CKAP2: variants seen among roughly 807,000 people sequenced by gnomAD.
CKAP2 encodes cytoskeleton associated protein 2, also known as cytoskeleton-associated protein 2.
In CKAP2, 46 loss-of-function variants were observed where a neutral mutation model predicts 58.4. That is an observed-to-expected ratio of 0.79 (90% CI 0.62 to 1.01). The LOEUF (loss-of-function observed/expected upper bound fraction) is 1.01, where lower values mean the gene tolerates loss of function less well. Among genes scored for constraint, CKAP2 ranks in the 50% least tolerant of loss-of-function variants. The pLI is 0.00. For synonymous variants in CKAP2, 293 were observed against 280.9 expected, an observed-to-expected ratio of 1.04 and a Z score of -0.43; for missense variants, 809 against 796.4, an observed-to-expected ratio of 1.02 and a Z score of -0.19.
chr13:52,475,084 T>G lies in CKAP2; in HGVS notation c.1992T>G (p.Phe664Leu), dbSNP rs758036861. 6.2e-7 allele frequency: 1 copy of G among 1,614,244 alleles called. No homozygotes were observed. The highest frequency in any genetic ancestry group is 8.5e-7 in the Non-Finnish European group (1 of 1,180,040). Residue 664 changes from phenylalanine to leucine, a missense_variant, in exon 9 of 9, where the codon TTT (phenylalanine) becomes TTG (leucine). By Grantham distance (22) the Phe-to-Leu change is conservative (BLOSUM62 0). This residue lies in a region of CKAP2 where 283 missense variants were observed against 287.6 expected (regional missense o/e 0.98). Coordinates refer to ENST00000258607, the MANE Select transcript of CKAP2 (RefSeq NM_018204.5). ...AGTTGGGAAGAGAAACTGATGCTTT[T>G]GTATGCCGCCCTAATGCAGCACTGT... ...LTELGRETDA[F>L]VCRPNAALCR...
intron 7 of CKAP2, among the ~76,000 whole-genome samples, chr13:52,470,002 A>C (rs1245301773): frequency 6.6e-5 from 10 of 152,184 alleles, no homozygotes; most frequent in Admixed American, 6.5e-4. Flanking sequence ...CTGTAACTGT[A>C]TATTATACAG....
chr13:52,465,952 T>TATACACATATAC (rs1958666600), intron 6 of CKAP2: 1 of 288,990 alleles, frequency 3.5e-6, no homozygotes, highest in African/African-American at 2.3e-5. Context: ...TACACATATA[T>TATACACATATAC]ATGCACACAT....
In CKAP2 at chr13:52,461,900, G is replaced by C. The variant is rs1377118483; in HGVS notation, c.1074G>C (p.Gln358His). 6.2e-7 allele frequency: 1 copy of C among 1,602,502 alleles called. No individual in the cohort carries two copies. Among genetic ancestry groups the C allele is most frequent in the South Asian group, 1.1e-5 (1 of 87,870 alleles). Reference protein sequence around the residue: ...GKAIVDSRSAQPKETSEERKA... With the variant: ...GKAIVDSRSAHPKETSEERKA... ...CAATTGTTGATAGTAGATCAGCTCA[G>C]CCCAAAGAAACCTCGGAAGAGAGAA... Residue 358 changes from glutamine to histidine, a missense_variant, in exon 4 of 9, where the codon CAG (glutamine) becomes CAC (histidine). Coordinates refer to ENST00000258607, the MANE Select transcript of CKAP2 (RefSeq NM_018204.5).
At chr13:52,460,367 T>C (rs1002163980) in intron 2 of CKAP2, among the ~76,000 whole-genome samples, 6 of 152,166 alleles carry the variant, frequency 3.9e-5, no homozygotes, top group African/African-American at 1.4e-4. Context: ...TGAAATAAGA[T>C]TATTAAGTAT....
At position 52,474,744 on chromosome 13, in the gene CKAP2, T is replaced by G. The variant is rs542874352; in HGVS notation, c.1803-151T>G. 594 of 699,698 alleles carry G rather than the reference T, an allele frequency of 8.5e-4. 1 individual carries two copies. The highest frequency in any genetic ancestry group is 1.2e-3 in the Non-Finnish European group (533 of 434,852). The allele number at this position is 699,698 out of a possible 1,614,324, so 43.3% of individuals were successfully genotyped here. A position where few individuals can be genotyped will look rare whatever the true frequency, so the allele number is the denominator to read the frequency against. Reference sequence around the variant, plus strand: ...ATTGAGAAAAGGATAAGTTTCTCACTTCGGTGAGCTTATAGTACCTCTCTA... The same window carrying G: ...ATTGAGAAAAGGATAAGTTTCTCACGTCGGTGAGCTTATAGTACCTCTCTA... On this transcript the variant is annotated intron_variant, in intron 8 of 8. Transcript: ENST00000258607.
intron 2 of CKAP2, among the ~76,000 whole-genome samples, chr13:52,459,180 A>G (rs1450626904): frequency 2.0e-5 from 3 of 152,082 alleles, no homozygotes; most frequent in Non-Finnish European, 2.9e-5. Flanking sequence ...TTCCTTCACC[A>G]TTGTTCAAAA....
chr13:52,462,799 A>G (rs925661280), intron 5 of CKAP2, among the ~76,000 whole-genome samples: 3 of 152,238 alleles, frequency 2.0e-5, no homozygotes, highest in Admixed American at 6.5e-5. Context: ...CATTGAGTTC[A>G]TATAAATATA....
chr13:52,462,379 T>G lies in CKAP2; in HGVS notation c.1117T>G (p.Trp373Gly). 1.2e-6 allele frequency: 2 copies of G among 1,614,030 alleles called. No homozygotes were observed. The highest frequency in any genetic ancestry group is 1.7e-6 in the Non-Finnish European group (2 of 1,179,992). Reference protein sequence around the residue: ...SEERKARLSEWKAGKGRVLKR... With the variant: ...SEERKARLSEGKAGKGRVLKR... ...TAACTATAGAGCTCGTCTGAGTGAG[T>G]GGAAAGCTGGCAAAGGAAGAGTGCT... is the stretch of plus-strand genomic sequence containing the variant. The change falls in exon 5 of 9, where the codon TGG becomes GGG. Residue 373 changes from tryptophan (W) to glycine (G), a missense_variant. Physicochemically the swap from Trp to Gly is radical, Grantham distance 184 (BLOSUM62 -2). Coordinates refer to ENST00000258607, the MANE Select transcript of CKAP2 (RefSeq NM_018204.5).
At position 52,475,001 on chromosome 13, in the gene CKAP2, T is replaced by C; in HGVS notation, c.1909T>C (p.Leu637=). 1 of 1,614,190 alleles carries C rather than the reference T, an allele frequency of 6.2e-7. No individual in the cohort carries two copies. The highest frequency in any genetic ancestry group is 8.5e-7 in the Non-Finnish European group (1 of 1,180,022). The change falls in exon 9 of 9, where the codon TTG becomes CTG. Residue 637 remains leucine (L), a synonymous_variant. Coordinates refer to ENST00000258607, the MANE Select transcript of CKAP2 (RefSeq NM_018204.5). ...SRRLQEKTSK[L]PDMLKDHYPC... ...ACGTCTTCAAGAGAAAACTTCTAAATTGCCAGATATGTTAAAAGATCATTA... is the reference window on the plus strand; with the variant it reads ...ACGTCTTCAAGAGAAAACTTCTAAACTGCCAGATATGTTAAAAGATCATTA...
At chr13:52,471,051 G>T (rs1446448085) in intron 7 of CKAP2, among the ~76,000 whole-genome samples, 1 of 152,072 alleles carries the variant, frequency 6.6e-6, no homozygotes, top group South Asian at 2.1e-4. Context: ...CCAGCTACTC[G>T]GGGGGCTGAG....
intron 6 of CKAP2, chr13:52,465,980 C>CACACATATATGCACACATATATAT (rs1958669623): frequency 4.0e-6 from 1 of 252,012 alleles, no homozygotes; most frequent in Non-Finnish European, 7.8e-6. Flanking sequence ...CACATATATG[C>CACACATATATGCACACATATATAT]ACACATATAT....
At position 52,475,838 on chromosome 13, in the gene CKAP2, A is replaced by C. The variant is rs1006306251; in HGVS notation, c.*697A>C. 3.3e-5 allele frequency: 5 copies of C among 152,222 alleles called. No individual in the cohort carries two copies. The highest frequency in any genetic ancestry group is 1.2e-4 in the African/African-American group (5 of 41,462). The allele number at this position is 152,222 out of a possible 1,614,324, so 9.4% of individuals were successfully genotyped here. ...TAATTAAATACCGCATTTCTAAGAG[A>C]AGATACTTTGTGTAAGAAAAGATGC... On this transcript the variant is annotated 3_prime_UTR_variant, in exon 9 of 9. Coordinates refer to ENST00000258607, the MANE Select transcript of CKAP2 (RefSeq NM_018204.5).
Position 52,461,536 on chromosome 13 carries a change from C to T in CKAP2, c.710C>T (p.Ala237Val), listed in dbSNP as rs563060879. 4 of 1,614,164 alleles carry T rather than the reference C, an allele frequency of 2.5e-6. No individual in the cohort carries two copies. The South Asian group carries it at 4.4e-5, about 18-fold the overall frequency. The change falls in exon 4 of 9, where the codon GCC becomes GTC. Residue 237 changes from alanine (A) to valine (V), a missense_variant. Physicochemically the swap from Ala to Val is moderately conservative, Grantham distance 64. Around this residue, in one of 3 missense-constraint regions of CKAP2, gnomAD observed 523 missense variants for 492.4 expected, o/e 1.06. Transcript: ENST00000258607. ...AGTAATAGATCCTCCAATATGACTGCCACTACTAAATTTGTGAGCACTACA... is the reference window on the plus strand; with the variant it reads ...AGTAATAGATCCTCCAATATGACTGTCACTACTAAATTTGTGAGCACTACA... Reference protein sequence around the residue: ...VKSNRSSNMTATTKFVSTTSQ... With the variant: ...VKSNRSSNMTVTTKFVSTTSQ...
intron 7 of CKAP2, among the ~76,000 whole-genome samples, chr13:52,472,175 A>G (rs536998597): frequency 4.8e-4 from 73 of 152,126 alleles, no homozygotes; most frequent in African/African-American, 1.6e-3. Flanking sequence ...CTCTCAACCT[A>G]GGTTTAGTGC....
intron 6 of CKAP2, among the ~76,000 whole-genome samples, chr13:52,467,253 T>G (rs74571995): frequency 0.056 from 8,506 of 152,202 alleles, 258 homozygotes; most frequent in South Asian, 0.084. Flanking sequence ...TAAATAATGG[T>G]CACTTAGTAA....
rs377566863 is a variant in CKAP2, at chr13:52,473,859, A to C, written c.1577A>C (p.Lys526Thr). ...GENMEKSCAS[K>T]EEVKEVSIED... is the part of the protein sequence containing the mutation. Reference sequence around the variant, plus strand: ...AATATGGAGAAGTCTTGTGCAAGCAAGGAAGAAGTCAAAGAAGTCAGTATT... The same window carrying C: ...AATATGGAGAAGTCTTGTGCAAGCACGGAAGAAGTCAAAGAAGTCAGTATT... Residue 526 changes from lysine (K) to threonine (T), a missense_variant, in exon 8 of 9, where the codon AAG (lysine) becomes ACG (threonine). Around this residue, in one of 3 missense-constraint regions of CKAP2, gnomAD observed 283 missense variants for 287.6 expected, o/e 0.98. Transcript: ENST00000258607. 2.5e-6 allele frequency: 4 copies of C among 1,611,814 alleles called. No homozygotes were observed. The African/African-American group carries it at 5.4e-5, about 22-fold the overall frequency.
chr13:52,474,105 A>G, intron 8 of CKAP2, 21 bp downstream of exon 8: 1 of 1,594,298 alleles, frequency 6.3e-7, no homozygotes, highest in Non-Finnish European at 8.6e-7. Flanking sequence ...AAAATGTACC[A>G]TGATTTGTTT....
chr13:52,476,260 C>T lies in CKAP2; in HGVS notation c.*1119C>T, dbSNP rs1258632907. On this transcript the variant is annotated 3_prime_UTR_variant, in exon 9 of 9. Transcript: ENST00000258607. Reference sequence around the variant, plus strand: ...TTTATGTTCATTCCACTTTGTATATCTTTTCTATTTATTGACTTCTCATGT... The same window carrying T: ...TTTATGTTCATTCCACTTTGTATATTTTTTCTATTTATTGACTTCTCATGT... The T allele has an allele frequency of 6.6e-6, 1 of 152,128 alleles. No individual in the cohort carries two copies. Among genetic ancestry groups the T allele is most frequent in the Non-Finnish European group, 1.5e-5 (1 of 68,014 alleles). The allele number at this position is 152,128 out of a possible 1,614,324, so 9.4% of individuals were successfully genotyped here.
At chr13:52,465,605 G>A in intron 6 of CKAP2, 140 bp downstream of exon 6, 1 of 732,824 alleles carries the variant, frequency 1.4e-6, no homozygotes, top group Non-Finnish European at 2.3e-6. Flanking sequence ...TGCAAGGATT[G>A]CATTATAAAA....
Sources: gnomAD v4.1 joint callset for allele counts (sites outside exome capture counted in the v4.1 genomes callset) on GRCh38, gnomAD v4.1.1 for gene constraint, gnomAD v4.1.1 regional missense constraint, MANE v1.5 for transcripts, NCBI Gene and HGNC (gene_info 2026-07-23, HGNC 2026-07-21) for gene names.